The following SPAG16 variants were observed in gnomAD, a reference collection of about 807,000 sequenced individuals.
SPAG16 encodes the protein sperm-associated antigen 16 protein.
Under a neutral mutation model 80.4 loss-of-function variants are expected in SPAG16, and 86 were observed. The observed-to-expected ratio is 1.07, with a 90% CI of 0.90 to 1.28. SPAG16 has a LOEUF of 1.28. Among genes scored for constraint, SPAG16 ranks in the 50% most tolerant of loss-of-function variants. SPAG16 has a pLI of 0.00. For synonymous variants in SPAG16, 294 were observed against 265.9 expected (o/e 1.11, Z -1.03); for missense variants, 870 against 765.3 (o/e 1.14, Z -1.61).
intron 10 of SPAG16, among the ~76,000 whole-genome samples, chr2:213,766,384 TATTAA>T (rs752196043): frequency 3.9e-5 from 6 of 152,234 alleles, no homozygotes; most frequent in Non-Finnish European, 8.8e-5. Flanking sequence ...ATGGTGAATT[TATTAA>T]ATTATATCTT....
At chr2:214,103,684 T>C (rs193266338) in intron 13 of SPAG16, among the ~76,000 whole-genome samples, 1 of 152,288 alleles carries the variant, frequency 6.6e-6, no homozygotes, top group African/African-American at 2.4e-5. Context: ...TGTATCTAAC[T>C]GTACTTAGAG....
At chr2:214,259,508 C>CTCCTT in intron 15 of SPAG16, among the ~76,000 whole-genome samples, 1 of 133,310 alleles carries the variant, frequency 7.5e-6, no homozygotes, top group South Asian at 2.4e-4. Context: ...TTCTGGCTCT[C>CTCCTT]TCCTTTCCTG....
intron 15 of SPAG16, among the ~76,000 whole-genome samples, chr2:214,357,239 G>C (rs576372880): frequency 1.3e-3 from 204 of 151,802 alleles, no homozygotes; most frequent in Non-Finnish European, 2.5e-3. Context: ...ATTAAGATTG[G>C]TGCTTTTTAT....
intron 9 of SPAG16, among the ~76,000 whole-genome samples, chr2:213,430,108 A>G (rs912995586): frequency 6.6e-6 from 1 of 152,244 alleles, no homozygotes; most frequent in African/African-American, 2.4e-5. Flanking sequence ...TCAATTCAGG[A>G]TATAAATGAG....
chr2:213,480,926 A>T (rs2073717274), intron 9 of SPAG16, among the ~76,000 whole-genome samples: 1 of 152,222 alleles, frequency 6.6e-6, no homozygotes, highest in Non-Finnish European at 1.5e-5. Flanking sequence ...ATTAAATTGT[A>T]ATTATTAACC....
intron 15 of SPAG16, among the ~76,000 whole-genome samples, chr2:214,255,311 A>G (rs1690599453): frequency 6.6e-6 from 1 of 152,006 alleles, no homozygotes; most frequent in African/African-American, 2.4e-5. Context: ...CAAAAGCATA[A>G]GAATTAATTA....
rs1356770745 is a variant in SPAG16, at chr2:214,250,749, TATATATATAGAGAG to T, written c.1720+101485_1720+101498del. Reference sequence around the variant, plus strand: ...GAGCTTTGAGATATATATATATATATATATATATAGAGAGAGAGAGAGAGAGAGAGAGAGAGAGA... The same window carrying T: ...GAGCTTTGAGATATATATATATATATAGAGAGAGAGAGAGAGAGAGAGAGA... On this transcript the variant is annotated intron_variant, in intron 15 of 15. Transcript: ENST00000331683. Among the ~76,000 whole-genome samples, 368 of 92,784 alleles carry T rather than the reference TATATATATAGAGAG, an allele frequency of 4.0e-3. 1 individual carries two copies. The highest frequency in any genetic ancestry group is 0.012 in the African/African-American group (355 of 29,444). The allele number at this position is 92,784 out of a possible 152,430, so 60.9% of individuals were successfully genotyped here. A position where few individuals can be genotyped will look rare whatever the true frequency, so the allele number is the denominator to read the frequency against.
chr2:213,485,432 T>C (rs958666348), intron 9 of SPAG16, among the ~76,000 whole-genome samples: 6 of 152,166 alleles, frequency 3.9e-5, no homozygotes, highest in African/African-American at 1.2e-4. Context: ...TATCTAAACA[T>C]CTATCAGTGT....
At chr2:213,973,538 C>A (rs1408584209) in intron 12 of SPAG16, among the ~76,000 whole-genome samples, 1 of 151,938 alleles carries the variant, frequency 6.6e-6, no homozygotes, top group Non-Finnish European at 1.5e-5. Flanking sequence ...CTGAGAACAC[C>A]GGTTAACATC....
chr2:213,654,674 G>A (rs59798233), intron 10 of SPAG16, among the ~76,000 whole-genome samples: 19,871 of 150,146 alleles, frequency 0.13, 1,790 homozygotes, highest in South Asian at 0.23. Flanking sequence ...CCGAGATTGC[G>A]CCACTGCACT....
At chr2:214,400,561 G>T (rs1028982001) in intron 15 of SPAG16, among the ~76,000 whole-genome samples, 1 of 151,856 alleles carries the variant, frequency 6.6e-6, no homozygotes, top group Non-Finnish European at 1.5e-5. Context: ...TGAAGAGTTT[G>T]GTATCTGTGG....
chr2:213,671,046 C>A (rs998148203), intron 10 of SPAG16, among the ~76,000 whole-genome samples: 2 of 152,138 alleles, frequency 1.3e-5, no homozygotes, highest in African/African-American at 4.8e-5. Context: ...TTGCTATCAT[C>A]CCTGATCAAT....
intron 9 of SPAG16, among the ~76,000 whole-genome samples, chr2:213,463,374 G>A (rs1257660329): frequency 6.6e-6 from 1 of 152,236 alleles, no homozygotes; most frequent in Admixed American, 6.5e-5. Context: ...CCAAGACAAT[G>A]GAGAAAACAT....
At chr2:213,873,899 C>T (rs898272797) in intron 11 of SPAG16, among the ~76,000 whole-genome samples, 1 of 152,092 alleles carries the variant, frequency 6.6e-6, no homozygotes, top group African/African-American at 2.4e-5. Context: ...TAGCCTACTG[C>T]TCTTCCAGGC....
chr2:213,472,612 C>T (rs1355567048), intron 9 of SPAG16, among the ~76,000 whole-genome samples: 1 of 152,150 alleles, frequency 6.6e-6, no homozygotes, highest in African/African-American at 2.4e-5. Context: ...TAGCCCTCAC[C>T]TTACCTGTCA....
intron 11 of SPAG16, among the ~76,000 whole-genome samples, chr2:213,904,504 TC>T (rs2077353047): frequency 6.9e-6 from 1 of 144,102 alleles, no homozygotes; most frequent in Non-Finnish European, 1.5e-5. Context: ...ACTTGGTCCC[TC>T]CCACAACATG....
At chr2:214,062,350 C>A (rs2050307194) in intron 13 of SPAG16, among the ~76,000 whole-genome samples, 1 of 139,522 alleles carries the variant, frequency 7.2e-6, no homozygotes, top group South Asian at 2.3e-4. Context: ...ACCCAGTAGG[C>A]AGAGGTTGCA....
chr2:213,969,838 T>C (rs1185843811), intron 12 of SPAG16, among the ~76,000 whole-genome samples: 1 of 152,136 alleles, frequency 6.6e-6, no homozygotes, highest in Non-Finnish European at 1.5e-5. Flanking sequence ...AAACACCCTT[T>C]AGCCACTATG....
chr2:213,635,160 G>A (rs1478420070), intron 10 of SPAG16, among the ~76,000 whole-genome samples: 1 of 151,340 alleles, frequency 6.6e-6, no homozygotes, highest in Non-Finnish European at 1.5e-5. Context: ...TCAGCCTCCT[G>A]AGTAGCTGGG....
Sources: allele counts gnomAD v4.1 joint callset (sites outside exome capture counted in the v4.1 genomes callset), GRCh38; gene constraint gnomAD v4.1.1; transcripts MANE v1.5; gene names NCBI Gene and HGNC (gene_info 2026-07-23, HGNC 2026-07-21).